ETFDH: variants seen among roughly 807,000 people sequenced by gnomAD.
ETFDH encodes the protein electron transfer flavoprotein-ubiquinone oxidoreductase, mitochondrial.
A neutral mutation model predicts 73.2 loss-of-function variants in ETFDH; 61 were observed. The observed-to-expected ratio is 0.83, with a 90% CI of 0.68 to 1.03. The LOEUF is 1.03. ETFDH is among the 50% of genes least tolerant of loss of function. The pLI, the probability that ETFDH is intolerant of heterozygous loss-of-function variation, is 0.00. For missense variants in ETFDH, 685 were observed against 745.0 expected (o/e 0.92, Z 0.94); for synonymous variants, 243 against 253.3 (o/e 0.96, Z 0.39).
At chr4:158,682,076 AAC>A in intron 2 of ETFDH, 117 bp from the exon 3 acceptor site, 1 of 1,386,712 alleles carries the variant, frequency 7.2e-7, no homozygotes, top group East Asian at 2.3e-5. Context: ...TATTGTGCAA[AAC>A]ACAGGGAGAA....
Position 158,706,683 on chromosome 4 carries a change from C to T in ETFDH, c.1523C>T (p.Pro508Leu). The change falls in exon 12 of 13, where the codon CCA (proline) becomes CTA (leucine). Residue 508 changes from proline to leucine, a missense_variant. Around this residue, in one of 3 missense-constraint regions of ETFDH, gnomAD observed 201 missense variants for 225.2 expected, o/e 0.89. Transcript: ENST00000511912. ...PAKDCTPIEY[P>L]KPDGQISFDL... is the part of the protein sequence containing the mutation. ...AAGGATTGCACACCTATTGAGTATCCAAAACCCGATGGACAGATCAGTTTT... is the reference window on the plus strand; with the variant it reads ...AAGGATTGCACACCTATTGAGTATCTAAAACCCGATGGACAGATCAGTTTT... 1.2e-6 allele frequency: 2 copies of T among 1,614,036 alleles called. No homozygotes were observed. The highest frequency in any genetic ancestry group is 1.7e-6 in the Non-Finnish European group (2 of 1,179,984).
chr4:158,682,666 T>C (rs1773895303), intron 3 of ETFDH, among the ~76,000 whole-genome samples: 1 of 151,858 alleles, frequency 6.6e-6, no homozygotes, highest in African/African-American at 2.4e-5. Context: ...CCCTAGTAGC[T>C]GGGTTTACAA....
chr4:158,698,497 C>T (rs1312398384), intron 8 of ETFDH, among the ~76,000 whole-genome samples: 2 of 152,060 alleles, frequency 1.3e-5, no homozygotes, highest in Admixed American at 1.3e-4. Context: ...GTGTAGTTTA[C>T]ATCCTTTTTC....
chr4:158,703,409 CTT>C lies in ETFDH; in HGVS notation c.1117-12_1117-11del. 1 of 1,583,192 alleles carries C rather than the reference CTT, an allele frequency of 6.3e-7. No homozygotes were observed. The highest frequency in any genetic ancestry group is 8.7e-7 in the Non-Finnish European group (1 of 1,152,032). On this transcript the variant is annotated splice_polypyrimidine_tract_variant and intron_variant, in intron 9 of 12. Transcript: ENST00000511912. Reference sequence around the variant, plus strand: ...ATGAACTAACAAATGTATTCTGAATCTTTGTTTCCTCAGTCTATACCAAAACT... The same window carrying C: ...ATGAACTAACAAATGTATTCTGAATCTGTTTCCTCAGTCTATACCAAAACT...
chr4:158,699,366 G>A (rs1467867226), intron 9 of ETFDH, among the ~76,000 whole-genome samples: 5 of 152,068 alleles, frequency 3.3e-5, no homozygotes, highest in African/African-American at 1.2e-4. Flanking sequence ...AGGCCGAGTT[G>A]GGTAGTCTGC....
intron 10 of ETFDH, 38 bp from the exon 11 acceptor site, chr4:158,706,151 G>A (rs1422220949): frequency 1.5e-6 from 2 of 1,367,186 alleles, no homozygotes; most frequent in South Asian, 2.3e-5. Context: ...ACACATTTGG[G>A]CAGTTTCGCA....
At chr4:158,674,133 C>G (rs1773654891) in intron 1 of ETFDH, among the ~76,000 whole-genome samples, 1 of 152,110 alleles carries the variant, frequency 6.6e-6, no homozygotes, top group African/African-American at 2.4e-5. Flanking sequence ...CTTCTATGCA[C>G]TAAACTACAA....
intron 1 of ETFDH, among the ~76,000 whole-genome samples, chr4:158,674,138 C>G (rs2150301492): frequency 6.6e-6 from 1 of 152,220 alleles, no homozygotes; most frequent in South Asian, 2.1e-4. Context: ...ATGCACTAAA[C>G]TACAATGCAT....
intron 10 of ETFDH, 147 bp downstream of exon 10, chr4:158,703,738 C>A: frequency 1.6e-6 from 1 of 628,646 alleles, no homozygotes; most frequent in Non-Finnish European, 2.8e-6. Flanking sequence ...GGCTTATTCT[C>A]AATAATTACA....
At position 158,697,558 on chromosome 4, in the gene ETFDH, G is replaced by A. The variant is rs1291408658; in HGVS notation, c.832-1G>A. The A allele has an allele frequency of 6.3e-7, 1 of 1,589,902 alleles. No individual in the cohort carries two copies. Among genetic ancestry groups the A allele is most frequent in the South Asian group, 1.1e-5 (1 of 89,668 alleles). On this transcript the variant is annotated splice_acceptor_variant, in intron 7 of 12. Coordinates refer to ENST00000511912, the MANE Select transcript of ETFDH (RefSeq NM_004453.4). LOFTEE classifies it high-confidence loss of function. ...TTTTTGTTTGCTTTTTTTTTTTTTA[G>A]TTATGGGTTATTGATGAAAAGAACT...
Position 158,706,816 on chromosome 4 carries a change from A to G in ETFDH, c.1656A>G (p.Ile552Met), listed in dbSNP as rs1453276693. The change falls in exon 12 of 13, where the codon ATA (isoleucine) becomes ATG (methionine). Residue 552 changes from isoleucine to methionine, a missense_variant. Ile to Met is a conservative substitution (Grantham distance 10). Transcript: ENST00000511912. ...TACCTGTAAATAGAAATCTGTCGAT[A>G]TATGATGGGCCCGAGCAGCGATTCT... ...DSIPVNRNLS[I>M]YDGPEQRFCP... 6.2e-7 allele frequency: 1 copy of G among 1,613,050 alleles called. No homozygotes were observed. Among genetic ancestry groups the G allele is most frequent in the Admixed American group, 1.7e-5 (1 of 60,020 alleles).
rs776108657 is a variant in ETFDH, at chr4:158,680,565, C to T, written c.133C>T (p.His45Tyr). 1.2e-6 allele frequency: 2 copies of T among 1,608,308 alleles called. No individual in the cohort carries two copies. The highest frequency in any genetic ancestry group is 2.2e-5 in the South Asian group (2 of 90,962). ...STSTVPRITT[H>Y]YTIYPRDKDK... is the part of the protein sequence containing the mutation. ...TTCTACTGTGCCTCGAATTACTACC[C>T]ATTATACTATTTATCCCCGGGATAA... is the stretch of plus-strand genomic sequence containing the variant. The change falls in exon 2 of 13, where the codon CAT (histidine) becomes TAT (tyrosine). Residue 45 changes from histidine to tyrosine, a missense_variant. Physicochemically the swap from His to Tyr is moderately conservative, Grantham distance 83. Transcript: ENST00000511912.
intron 10 of ETFDH, 25 bp downstream of exon 10, chr4:158,703,616 A>G (rs373157564): frequency 4.2e-6 from 6 of 1,438,166 alleles, no homozygotes; most frequent in Non-Finnish European, 5.9e-6. Context: ...TGTAAAGTAT[A>G]CAAAAGAAAA....
intron 11 of ETFDH, 40 bp downstream of exon 11, chr4:158,706,411 A>C: frequency 6.8e-7 from 1 of 1,472,862 alleles, no homozygotes; most frequent in Non-Finnish European, 9.5e-7. Context: ...ATCATTAAAA[A>C]TTCATGAATG....
At position 158,672,330 on chromosome 4, in the gene ETFDH, A is replaced by G. The variant is rs1773589447; in HGVS notation, c.-127A>G. 1.1e-6 allele frequency: 1 copy of G among 943,160 alleles called. No individual in the cohort carries two copies. Among genetic ancestry groups the G allele is most frequent in the African/African-American group, 1.6e-5 (1 of 62,104 alleles). 58.4% of individuals were successfully genotyped at this position (943,160 alleles called of 1,614,324 possible). ...GAGCGGTCGGCAGAGCGGGGAGGCG[A>G]ACTGCAGCAGAGTTCTTGCTTTCCG... On this transcript the variant is annotated 5_prime_UTR_variant, in exon 1 of 13. Transcript: ENST00000511912.
chr4:158,698,169 C>CT (rs1429712890), intron 8 of ETFDH, among the ~76,000 whole-genome samples: 1 of 152,156 alleles, frequency 6.6e-6, no homozygotes, highest in East Asian at 1.9e-4. Flanking sequence ...GCAGTTTCTC[C>CT]TTTTTTGGCC....
At chr4:158,686,876 A>C (rs952982805) in intron 5 of ETFDH, among the ~76,000 whole-genome samples, 5 of 152,208 alleles carry the variant, frequency 3.3e-5, no homozygotes, top group African/African-American at 1.2e-4. Flanking sequence ...TTGGCTCACA[A>C]GAGGCAGGTT....
chr4:158,674,775 C>A (rs1242872516), intron 1 of ETFDH, among the ~76,000 whole-genome samples: 2 of 152,110 alleles, frequency 1.3e-5, no homozygotes, highest in African/African-American at 4.8e-5. Flanking sequence ...AATATGTATA[C>A]CTAACATTAG....
intron 3 of ETFDH, among the ~76,000 whole-genome samples, chr4:158,683,943 T>TGA (rs1773932779): frequency 6.6e-6 from 1 of 152,136 alleles, no homozygotes; most frequent in Non-Finnish European, 1.5e-5. Flanking sequence ...AAACTTCTCT[T>TGA]ACCTTTCACC....
Sources: gnomAD v4.1 joint callset for allele counts (sites outside exome capture counted in the v4.1 genomes callset) on GRCh38, gnomAD v4.1.1 for gene constraint, gnomAD v4.1.1 regional missense constraint, MANE v1.5 for transcripts, NCBI Gene and HGNC (gene_info 2026-07-23, HGNC 2026-07-21) for gene names.